The following SND1 variants were observed in gnomAD, a reference collection of about 807,000 sequenced individuals.
The protein encoded by SND1 is staphylococcal nuclease and tudor domain containing 1, also known as staphylococcal nuclease domain-containing protein 1.
A neutral mutation model predicts 121.7 loss-of-function variants in SND1; 38 were observed. That is an observed-to-expected ratio of 0.31 (90% confidence interval 0.24 to 0.41). The LOEUF (loss-of-function observed/expected upper bound fraction) is 0.41, where lower values mean the gene tolerates loss of function less well. SND1 is among the 10% of genes least tolerant of loss of function. SND1 has a pLI of 1.00. For synonymous variants in SND1, 401 were observed against 447.4 expected (o/e 0.90, Z 1.31); for missense variants, 868 against 1,184.6 (o/e 0.73, Z 3.92).
intron 16 of SND1, among the ~76,000 whole-genome samples, chr7:128,062,330 G>A (rs1430013517): frequency 2.6e-5 from 4 of 152,318 alleles, no homozygotes. Flanking sequence ...GTTATGTACA[G>A]GGGCATAGGA....
chr7:127,865,500 T>C (rs1206667699), intron 12 of SND1, among the ~76,000 whole-genome samples: 1 of 152,212 alleles, frequency 6.6e-6, no homozygotes, highest in Non-Finnish European at 1.5e-5. Flanking sequence ...TTATCTTTGG[T>C]ACAAGATTAA....
At chr7:127,898,070 C>T (rs1328820668) in intron 13 of SND1, among the ~76,000 whole-genome samples, 2 of 152,078 alleles carry the variant, frequency 1.3e-5, no homozygotes, top group African/African-American at 4.8e-5. Context: ...CAACTGTGTT[C>T]CCCTCATCTC....
chr7:127,825,634 C>T (rs889868111), intron 11 of SND1, among the ~76,000 whole-genome samples: 3 of 151,492 alleles, frequency 2.0e-5, no homozygotes, highest in Admixed American at 6.6e-5. Flanking sequence ...CTTGAACTCC[C>T]GACTTCAGGT....
chr7:127,744,661 C>G (rs1029080659), intron 10 of SND1, among the ~76,000 whole-genome samples: 1 of 152,104 alleles, frequency 6.6e-6, no homozygotes, highest in South Asian at 2.1e-4. Flanking sequence ...TTTTTGTGTT[C>G]AAAAAGATAA....
rs1799382726 is a variant in SND1, at chr7:127,861,649, AT to A, written c.1343+17231del. Among the ~76,000 whole-genome samples, 4 of 151,876 alleles carry A rather than the reference AT, an allele frequency of 2.6e-5. No individual in the cohort carries two copies. In the South Asian group the frequency reaches 8.3e-4, roughly 32 times the overall value. Reference sequence around the variant, plus strand: ...ACCACCACACCCAGCTAATTTTTACATTTTTTAGTAGAGACAGGGTTTCGCC... The same window carrying A: ...ACCACCACACCCAGCTAATTTTTACATTTTTAGTAGAGACAGGGTTTCGCC... On this transcript the variant is annotated intron_variant, in intron 12 of 23. Transcript: ENST00000354725.
At chr7:127,822,739 A>G in intron 11 of SND1, among the ~76,000 whole-genome samples, 1 of 152,194 alleles carries the variant, frequency 6.6e-6, no homozygotes, top group East Asian at 1.9e-4. Flanking sequence ...TATGTTACTT[A>G]CTGTTTTGTA....
chr7:127,948,850 A>G (rs1777537428), intron 15 of SND1, among the ~76,000 whole-genome samples: 2 of 152,230 alleles, frequency 1.3e-5, no homozygotes, highest in Non-Finnish European at 2.9e-5. Flanking sequence ...TTAGGATTAT[A>G]GATTCATGGT....
At chr7:128,044,930 C>T (rs2117012056) in intron 16 of SND1, among the ~76,000 whole-genome samples, 1 of 152,198 alleles carries the variant, frequency 6.6e-6, no homozygotes, top group East Asian at 1.9e-4. Flanking sequence ...TTTTGCAAAT[C>T]CATTTGTGTC....
chr7:127,851,264 A>C (rs1383582831), intron 12 of SND1, among the ~76,000 whole-genome samples: 2 of 152,170 alleles, frequency 1.3e-5, no homozygotes, highest in Non-Finnish European at 1.5e-5. Flanking sequence ...GGATGACTTG[A>C]ATATTTACTG....
chr7:127,992,366 A>G (rs980108600), intron 16 of SND1, among the ~76,000 whole-genome samples: 3 of 152,220 alleles, frequency 2.0e-5, no homozygotes, highest in Non-Finnish European at 2.9e-5. Flanking sequence ...CCAGTTGTCT[A>G]TAAGTGCCTG....
At chr7:127,709,766 T>C (rs1796266238) in intron 9 of SND1, among the ~76,000 whole-genome samples, 1 of 152,162 alleles carries the variant, frequency 6.6e-6, no homozygotes, top group South Asian at 2.1e-4. Flanking sequence ...GATGGAGAAT[T>C]ATGAGGAATA....
intron 21 of SND1, among the ~76,000 whole-genome samples, chr7:128,088,583 G>A (rs571807040): frequency 6.6e-6 from 1 of 151,054 alleles, no homozygotes; most frequent in South Asian, 2.1e-4. Flanking sequence ...CTTCCGAGTA[G>A]CTGGGATTAT....
At chr7:127,727,751 C>T (rs899637631) in intron 10 of SND1, among the ~76,000 whole-genome samples, 4 of 152,070 alleles carry the variant, frequency 2.6e-5, no homozygotes, top group East Asian at 3.9e-4. Context: ...TAGAGGCTGG[C>T]GTAGGCATTC....
chr7:128,016,792 T>C (rs1329397125), intron 16 of SND1, among the ~76,000 whole-genome samples: 4 of 152,250 alleles, frequency 2.6e-5, no homozygotes, highest in Admixed American at 6.5e-5. Flanking sequence ...CCTGTTACAA[T>C]TGTTACTTAA....
At chr7:127,749,043 G>GTTTT (rs5887354) in intron 10 of SND1, among the ~76,000 whole-genome samples, 16 of 116,510 alleles carry the variant, frequency 1.4e-4, no homozygotes, top group South Asian at 2.7e-4. Context: ...TTTTTCTTTC[G>GTTTT]TTTTTTTTTT....
intron 12 of SND1, among the ~76,000 whole-genome samples, chr7:127,884,679 AGGCCTCCT>A (rs779737316): frequency 1.3e-5 from 2 of 152,026 alleles, no homozygotes; most frequent in Non-Finnish European, 2.9e-5. Context: ...GGCTCTTCCC[AGGCCTCCT>A]GGGGTTCCCT....
chr7:128,082,801 C>G (rs1344032810), intron 18 of SND1, among the ~76,000 whole-genome samples: 1 of 152,182 alleles, frequency 6.6e-6, no homozygotes, highest in African/African-American at 2.4e-5. Flanking sequence ...AGAACTTGAG[C>G]AAAAGGATGC....
chr7:127,875,742 A>G (rs538224079), intron 12 of SND1, among the ~76,000 whole-genome samples: 27 of 152,262 alleles, frequency 1.8e-4, no homozygotes, highest in Non-Finnish European at 3.5e-4. Context: ...TGCCTGTTCC[A>G]TGGTGGACAT....
intron 11 of SND1, among the ~76,000 whole-genome samples, chr7:127,814,505 C>T (rs1391981699): frequency 6.6e-6 from 1 of 151,936 alleles, no homozygotes; most frequent in African/African-American, 2.4e-5. Flanking sequence ...CAGATGTGCT[C>T]ATTTGGAAAG....
Sources: allele counts gnomAD v4.1 joint callset (sites outside exome capture counted in the v4.1 genomes callset), GRCh38; gene constraint gnomAD v4.1.1; transcripts MANE v1.5; gene names NCBI Gene and HGNC (gene_info 2026-07-23, HGNC 2026-07-21).